ZNF385B: variants seen among roughly 807,000 people sequenced by gnomAD.
The protein encoded by ZNF385B is zinc finger protein 385B.
In ZNF385B, 23 loss-of-function variants were observed where a neutral mutation model predicts 39.2. The observed-to-expected ratio is 0.59, with a 90% CI of 0.42 to 0.83. The LOEUF (loss-of-function observed/expected upper bound fraction) is 0.83, where lower values mean the gene tolerates loss of function less well. ZNF385B is among the 40% of genes least tolerant of loss of function. The pLI, the probability that ZNF385B is intolerant of heterozygous loss-of-function variation, is 0.00. For synonymous variants in ZNF385B, 205 were observed against 222.6 expected (o/e 0.92, Z 0.70); for missense variants, 552 against 598.9 (o/e 0.92, Z 0.82).
chr2:179,827,658 T>C (rs986393580), intron 1 of ZNF385B, among the ~76,000 whole-genome samples: 1 of 152,214 alleles, frequency 6.6e-6, no homozygotes, highest in Non-Finnish European at 1.5e-5. Flanking sequence ...TTCCTATCAT[T>C]AACTGCTCCC....
Position 179,521,923 on chromosome 2 carries a change from G to A in ZNF385B, c.442-3285C>T, listed in dbSNP as rs545254896. Among the ~76,000 whole-genome samples the A allele has an allele frequency of 1.9e-3, 289 of 152,058 alleles. 1 individual carries two copies. Among genetic ancestry groups the A allele is most frequent in the African/African-American group, 6.7e-3 (277 of 41,474 alleles). ...CCTCTTGATTCTGTATTTCCTTAAG[G>A]TTTCTGGAAAAGATTCACTTTTTCT... is the stretch of plus-strand genomic sequence containing the variant. On this transcript the variant is annotated intron_variant, in intron 4 of 9. Coordinates refer to ENST00000410066, the MANE Select transcript of ZNF385B (RefSeq NM_152520.6).
chr2:179,659,886 C>A (rs1694265071), intron 3 of ZNF385B, among the ~76,000 whole-genome samples: 1 of 152,096 alleles, frequency 6.6e-6, no homozygotes. Context: ...AACTTATATA[C>A]ACATTTCCAA....
At chr2:179,636,557 G>A (rs1369508035) in intron 3 of ZNF385B, among the ~76,000 whole-genome samples, 3 of 152,132 alleles carry the variant, frequency 2.0e-5, no homozygotes, top group African/African-American at 4.8e-5. Flanking sequence ...CAAATATTAC[G>A]AAAACATATG....
intron 3 of ZNF385B, among the ~76,000 whole-genome samples, chr2:179,618,454 A>G (rs1330304729): frequency 1.3e-5 from 2 of 152,114 alleles, no homozygotes; most frequent in African/African-American, 4.8e-5. Context: ...TTCCTCCAAA[A>G]TGTCTAGAAA....
At chr2:179,715,565 TATA>T (rs1314600371) in intron 3 of ZNF385B, among the ~76,000 whole-genome samples, 1 of 152,206 alleles carries the variant, frequency 6.6e-6, no homozygotes, top group African/African-American at 2.4e-5. Flanking sequence ...CCTCGATATT[TATA>T]ATAAGTTCAG....
intron 3 of ZNF385B, among the ~76,000 whole-genome samples, chr2:179,702,160 T>C (rs1426666433): frequency 1.3e-5 from 2 of 152,174 alleles, no homozygotes; most frequent in Non-Finnish European, 2.9e-5. Context: ...AATAAAAAAA[T>C]GTTTTCAGGG....
chr2:179,542,181 T>G (rs2059960716), intron 4 of ZNF385B, among the ~76,000 whole-genome samples: 1 of 152,192 alleles, frequency 6.6e-6, no homozygotes. Flanking sequence ...TGGAAATGTC[T>G]GTAGGAAAAG....
At position 179,446,665 on chromosome 2, in the gene ZNF385B, G is replaced by C. The variant is rs778665014; in HGVS notation, c.821C>G (p.Ala274Gly). The C allele has an allele frequency of 6.2e-7, 1 of 1,614,072 alleles. No individual in the cohort carries two copies. Among genetic ancestry groups the C allele is most frequent in the South Asian group, 1.1e-5 (1 of 91,078 alleles). The change falls in exon 7 of 10, where the codon GCC becomes GGC. Residue 274 changes from alanine to glycine, a missense_variant. Transcript: ENST00000410066. ...ATTTGTGCTCTTGGAGGGAGAAGTG[G>C]CTGCTCCAGGTGGCAGGGGTGTTGT... is the stretch of plus-strand genomic sequence containing the variant. ...SGTTPLPPGA[A>G]TSPSKSTNGA...
chr2:179,608,931 A>G (rs1689060849), intron 3 of ZNF385B, among the ~76,000 whole-genome samples: 1 of 67,120 alleles, frequency 1.5e-5, no homozygotes, highest in Admixed American at 1.6e-4. Context: ...ATTTTCTTTA[A>G]AAAAAATTTT....
At chr2:179,568,209 T>A (rs1015250053) in intron 3 of ZNF385B, among the ~76,000 whole-genome samples, 8 of 152,204 alleles carry the variant, frequency 5.3e-5, no homozygotes, top group African/African-American at 1.9e-4. Flanking sequence ...TCCCTCAGCA[T>A]GAAACTCCCT....
chr2:179,603,374 C>T (rs1439280126), intron 3 of ZNF385B, among the ~76,000 whole-genome samples: 1 of 152,132 alleles, frequency 6.6e-6, no homozygotes, highest in Admixed American at 6.6e-5. Flanking sequence ...CAAGGCAGCC[C>T]AGATTAGTTT....
At chr2:179,847,715 G>T (rs559474288) in intron 1 of ZNF385B, among the ~76,000 whole-genome samples, 2 of 152,194 alleles carry the variant, frequency 1.3e-5, no homozygotes, top group African/African-American at 4.8e-5. Context: ...TCACAGGGCC[G>T]CATGGATGGA....
chr2:179,691,928 A>C (rs916958661), intron 3 of ZNF385B, among the ~76,000 whole-genome samples: 10 of 152,180 alleles, frequency 6.6e-5, no homozygotes, highest in African/African-American at 2.4e-4. Context: ...TTTTAATGCA[A>C]GCATACAATG....
At chr2:179,470,414 A>C (rs2052610470) in intron 6 of ZNF385B, among the ~76,000 whole-genome samples, 1 of 152,158 alleles carries the variant, frequency 6.6e-6, no homozygotes, top group Admixed American at 6.5e-5. Flanking sequence ...ATCTTGCAAA[A>C]CTGAGAGGAT....
chr2:179,809,814 C>T (rs1706624369), intron 1 of ZNF385B, among the ~76,000 whole-genome samples: 1 of 151,966 alleles, frequency 6.6e-6, no homozygotes, highest in Non-Finnish European at 1.5e-5. Flanking sequence ...TATATTTATT[C>T]AGTATACCTT....
chr2:179,827,432 A>C (rs2106591600), intron 1 of ZNF385B, among the ~76,000 whole-genome samples: 1 of 152,312 alleles, frequency 6.6e-6, no homozygotes, highest in Admixed American at 6.5e-5. Context: ...CTGATAGTTG[A>C]TTTCATAACA....
At chr2:179,685,334 T>C (rs1285334294) in intron 3 of ZNF385B, among the ~76,000 whole-genome samples, 2 of 152,228 alleles carry the variant, frequency 1.3e-5, no homozygotes, top group Non-Finnish European at 2.9e-5. Context: ...TCCAGACAGA[T>C]ACAATTGTTT....
chr2:179,750,161 T>A lies in ZNF385B; in HGVS notation c.298+19342A>T, dbSNP rs550229102. Among the ~76,000 whole-genome samples, 21 of 152,246 alleles carry A rather than the reference T, an allele frequency of 1.4e-4. 1 individual carries two copies. The South Asian group carries it at 4.3e-3, about 32-fold the overall frequency. Reference sequence around the variant, plus strand: ...GTATAGTTTTAGATTTCTGACACCATTGAAAACGGCTGGAGCTCTGTCTCA... The same window carrying A: ...GTATAGTTTTAGATTTCTGACACCAATGAAAACGGCTGGAGCTCTGTCTCA... On this transcript the variant is annotated intron_variant, in intron 3 of 9. Transcript: ENST00000410066.
At chr2:179,670,291 C>CAAAAAAAAAAAAAAAAAAAA (rs35600247) in intron 3 of ZNF385B, among the ~76,000 whole-genome samples, 1 of 100,604 alleles carries the variant, frequency 9.9e-6, no homozygotes. Context: ...GACTCCGTCT[C>CAAAAAAAAAAAAAAAAAAAA]AAAAAAAAAA....
Sources: allele counts gnomAD v4.1 joint callset (sites outside exome capture counted in the v4.1 genomes callset), GRCh38; gene constraint gnomAD v4.1.1; transcripts MANE v1.5; gene names NCBI Gene and HGNC (gene_info 2026-07-23, HGNC 2026-07-21).